TEN1: variants seen among roughly 807,000 people sequenced by gnomAD.
TEN1 encodes TEN1 subunit of CST complex.
In TEN1, 6 loss-of-function variants were observed where a neutral mutation model predicts 9.3. The ratio of observed to expected loss-of-function variants is 0.65; its 90% CI spans 0.35 to 1.27. TEN1 has a LOEUF of 1.27. Ranked by LOEUF, TEN1 falls within the 50% of genes most tolerant of loss-of-function variation. The pLI is 0.03. For missense variants in TEN1, 149 were observed against 158.2 expected (o/e 0.94, Z 0.31); for synonymous variants, 65 against 65.6 (o/e 0.99, Z 0.04).
intron 1 of TEN1, among the ~76,000 whole-genome samples, chr17:75,980,374 C>A (rs1444153911): frequency 6.6e-6 from 1 of 151,878 alleles, no homozygotes; most frequent in East Asian, 1.9e-4. Context: ...ACAGTTCTGC[C>A]CAGTGGGATT....
At chr17:75,996,730 GAGAA>G (rs1277314365) in intron 3 of TEN1, among the ~76,000 whole-genome samples, 20 of 149,974 alleles carry the variant, frequency 1.3e-4, no homozygotes, top group Non-Finnish European at 2.2e-4. Context: ...AAAAGAGAGA[GAGAA>G]AGAAAGAAAA....
At position 75,997,482 on chromosome 17, in the gene TEN1, G is replaced by A. The variant is rs1253925330; in HGVS notation, c.251-2659G>A. Among the ~76,000 whole-genome samples, 3 of 152,038 alleles carry A rather than the reference G, an allele frequency of 2.0e-5. 1 individual carries two copies. The highest frequency in any genetic ancestry group is 1.3e-4 in the Admixed American group (2 of 15,242). On this transcript the variant is annotated intron_variant, in intron 3 of 3. Transcript: ENST00000397640. ...GCTAGAATCGAGGCCACAGGCAGCC[G>A]TTCTTCCTCCTACCATCAGACACTG...
At chr17:75,979,578 C>A (rs570398282) in intron 1 of TEN1, 67 bp downstream of exon 1, 27 of 242,742 alleles carry the variant, frequency 1.1e-4, no homozygotes, top group Non-Finnish European at 1.9e-4. Flanking sequence ...TGCACTTGCC[C>A]CCCTCTTACC....
intron 3 of TEN1, among the ~76,000 whole-genome samples, chr17:75,995,783 C>A (rs967007711): frequency 6.6e-6 from 1 of 152,168 alleles, no homozygotes; most frequent in African/African-American, 2.4e-5. Context: ...CTCACTGCAC[C>A]CCTGCACTTT....
intron 2 of TEN1, among the ~76,000 whole-genome samples, chr17:75,987,196 G>T (rs988052009): frequency 2.0e-5 from 3 of 152,158 alleles, no homozygotes; most frequent in African/African-American, 7.2e-5. Flanking sequence ...TTAACTGTTT[G>T]GATCTGGCTC....
intron 3 of TEN1, among the ~76,000 whole-genome samples, chr17:75,993,254 C>T (rs2066198082): frequency 6.6e-6 from 1 of 151,922 alleles, no homozygotes; most frequent in Non-Finnish European, 1.5e-5. Flanking sequence ...CAGGCATGCG[C>T]CACCACGCCT....
At chr17:75,980,691 G>T (rs1359870688) in intron 1 of TEN1, among the ~76,000 whole-genome samples, 2 of 152,176 alleles carry the variant, frequency 1.3e-5, no homozygotes, top group African/African-American at 4.8e-5. Context: ...CCAAAGCGCC[G>T]GGATTACAGG....
chr17:75,979,376 C>G lies in TEN1; in HGVS notation c.-142C>G, dbSNP rs1367293068. On this transcript the variant is annotated 5_prime_UTR_variant, in exon 1 of 4. Transcript: ENST00000397640. Reference sequence around the variant, plus strand: ...GAGCGGATCCTCGGGAAAGGGGCTCCGAAGGTCAAGAAACTGCCCTGCTGG... The same window carrying G: ...GAGCGGATCCTCGGGAAAGGGGCTCGGAAGGTCAAGAAACTGCCCTGCTGG... 13 of 528,376 alleles carry G rather than the reference C, an allele frequency of 2.5e-5. No homozygotes were observed. In the East Asian group the frequency reaches 4.1e-4, roughly 17 times the overall value. 32.7% of individuals were successfully genotyped at this position (528,376 alleles called of 1,614,324 possible).
chr17:75,994,882 C>T (rs1325799462), intron 3 of TEN1, among the ~76,000 whole-genome samples: 1 of 152,114 alleles, frequency 6.6e-6, no homozygotes, highest in African/African-American at 2.4e-5. Context: ...TCTGTCCACC[C>T]TGACCTCTGG....
At chr17:75,983,238 G>A (rs1246739790) in intron 1 of TEN1, among the ~76,000 whole-genome samples, 3 of 151,880 alleles carry the variant, frequency 2.0e-5, no homozygotes, top group East Asian at 3.9e-4. Flanking sequence ...CCGAGATCCC[G>A]CCACTGCACT....
chr17:75,987,246 G>C (rs928066835), intron 2 of TEN1, among the ~76,000 whole-genome samples: 8 of 152,220 alleles, frequency 5.3e-5, no homozygotes, highest in African/African-American at 1.9e-4. Flanking sequence ...GTTGGCCAGG[G>C]CTGCAGTTAT....
chr17:75,986,947 T>C (rs2066156173), intron 2 of TEN1, among the ~76,000 whole-genome samples: 1 of 152,068 alleles, frequency 6.6e-6, no homozygotes, highest in South Asian at 2.1e-4. Flanking sequence ...CTGTCAGTTA[T>C]TTATCAGTTA....
At chr17:75,985,173 G>T (rs1393065592) in intron 1 of TEN1, among the ~76,000 whole-genome samples, 1 of 152,042 alleles carries the variant, frequency 6.6e-6, no homozygotes, top group African/African-American at 2.4e-5. Context: ...TTTGAGACAG[G>T]GTCTTACTCT....
rs2066244300 is a variant in TEN1, at chr17:76,000,026, C to G, written c.251-115C>G. The G allele has an allele frequency of 1.4e-6, 2 of 1,451,454 alleles. No individual in the cohort carries two copies. The highest frequency in any genetic ancestry group is 9.2e-7 in the Non-Finnish European group (1 of 1,090,034). 89.9% of individuals were successfully genotyped at this position (1,451,454 alleles called of 1,614,324 possible). A position where few individuals can be genotyped will look rare whatever the true frequency, so the allele number is the denominator to read the frequency against. On this transcript the variant is annotated intron_variant, in intron 3 of 3. Transcript: ENST00000397640. The surrounding 1 kb of genome is among the most constrained non-coding windows in gnomAD (Gnocchi z 5.9). ...CCCCATATGCTGTTATTGTCCACATCACTTGCTGCCAAAACCCAGGACTGA... is the reference window on the plus strand; with the variant it reads ...CCCCATATGCTGTTATTGTCCACATGACTTGCTGCCAAAACCCAGGACTGA...
rs570063263 is a variant in TEN1 at position 75,982,001 on chromosome 17, T to C, written c.-7+2490T>C. 2.0e-5 allele frequency among the ~76,000 whole-genome samples: 3 copies of C among 152,288 alleles called. No individual in the cohort carries two copies. The East Asian group carries it at 5.8e-4, about 29-fold the overall frequency. On this transcript the variant is annotated intron_variant, in intron 1 of 3. Transcript: ENST00000397640. ...GAGATTGCACCACTGCATTCCAGCC[T>C]GGGCGACAGAGTGAGACTCTGTCTC...
chr17:75,993,748 G>A (rs1248001562), intron 3 of TEN1, among the ~76,000 whole-genome samples: 1 of 152,096 alleles, frequency 6.6e-6, no homozygotes, highest in South Asian at 2.1e-4. Flanking sequence ...TGTAATCCCA[G>A]CACTTTGGGA....
chr17:76,000,385 G>T lies in TEN1; in HGVS notation c.*123G>T. ...CTTGTCTGGAGCTCGAAAGCCGAGG[G>T]GCGGGTGATGAATCCAGCCCCTTCC... is the stretch of plus-strand genomic sequence containing the variant. On this transcript the variant is annotated 3_prime_UTR_variant, in exon 4 of 4. Transcript: ENST00000397640. The surrounding 1 kb of genome is among the most constrained non-coding windows in gnomAD (Gnocchi z 5.9). 1 of 1,354,544 alleles carries T rather than the reference G, an allele frequency of 7.4e-7. No individual in the cohort carries two copies. The allele number at this position is 1,354,544 out of a possible 1,614,324, so 83.9% of individuals were successfully genotyped here.
chr17:75,998,122 G>C (rs1374208528), intron 3 of TEN1, among the ~76,000 whole-genome samples: 4 of 151,254 alleles, frequency 2.6e-5, no homozygotes, highest in Non-Finnish European at 5.9e-5. Flanking sequence ...AGAGTGCTGG[G>C]ATTACAGATG....
intron 2 of TEN1, among the ~76,000 whole-genome samples, chr17:75,989,557 G>A (rs1264788878): frequency 5.3e-5 from 8 of 151,424 alleles, no homozygotes; most frequent in East Asian, 3.9e-4. Flanking sequence ...GATTACAGGC[G>A]TGCCCCACCA....
Sources: allele counts gnomAD v4.1 joint callset (sites outside exome capture counted in the v4.1 genomes callset), GRCh38; gene constraint gnomAD v4.1.1; non-coding constraint Gnocchi (gnomAD v3.1); transcripts MANE v1.5; gene names NCBI Gene and HGNC (gene_info 2026-07-23, HGNC 2026-07-21).